MYO1D: variants seen among roughly 807,000 people sequenced by gnomAD.
The protein encoded by MYO1D is unconventional myosin-Id.
Under a neutral mutation model 122.0 loss-of-function variants are expected in MYO1D, and 83 were observed. The observed-to-expected ratio is 0.68, with a 90% CI of 0.57 to 0.82. The LOEUF is 0.82. Ranked by LOEUF, MYO1D falls within the 40% of genes least tolerant of loss-of-function variation. The pLI is 0.00. For missense variants in MYO1D, 1,157 were observed against 1,269.5 expected (o/e 0.91, Z 1.35); for synonymous variants, 464 against 446.9 (o/e 1.04, Z -0.48).
chr17:32,519,992 T>C (rs986114371), intron 21 of MYO1D, among the ~76,000 whole-genome samples: 6 of 151,598 alleles, frequency 4.0e-5, no homozygotes, highest in Middle Eastern at 3.4e-3. Flanking sequence ...ATAGGATTAG[T>C]GGAAACCCTG....
intron 14 of MYO1D, chr17:32,734,595 A>G (rs1040522601): frequency 6.6e-6 from 1 of 152,246 alleles, no homozygotes; most frequent in Non-Finnish European, 1.5e-5. Flanking sequence ...ATAAATTCTG[A>G]CAAATTTTTT....
At chr17:32,523,533 T>TTTG (rs1910230377) in intron 21 of MYO1D, 1 of 152,134 alleles carries the variant, frequency 6.6e-6, no homozygotes, top group Non-Finnish European at 1.5e-5. Flanking sequence ...CACAGGAGAC[T>TTTG]TAGAAGACTA....
At chr17:32,793,314 T>G (rs2090376313) in intron 1 of MYO1D, among the ~76,000 whole-genome samples, 1 of 151,008 alleles carries the variant, frequency 6.6e-6, no homozygotes, top group Non-Finnish European at 1.5e-5. Context: ...TAGGCTTTTT[T>G]TTTTTTTTTA....
chr17:32,653,274 TC>T (rs906684330), intron 19 of MYO1D, among the ~76,000 whole-genome samples: 6 of 151,176 alleles, frequency 4.0e-5, no homozygotes, highest in African/African-American at 1.5e-4. Flanking sequence ...TTTAAAGAGG[TC>T]CCCGCAATCT....
intron 1 of MYO1D, among the ~76,000 whole-genome samples, chr17:32,845,891 T>C (rs550035585): frequency 2.7e-4 from 41 of 152,264 alleles, no homozygotes; most frequent in African/African-American, 4.8e-4. Context: ...GAAAATATTA[T>C]TTGAGCATCT....
chr17:32,533,239 T>G, intron 21 of MYO1D, among the ~76,000 whole-genome samples: 1 of 152,202 alleles, frequency 6.6e-6, no homozygotes, highest in Non-Finnish European at 1.5e-5. Context: ...AAACCTTATA[T>G]TCAGCTGCCT....
chr17:32,517,391 C>G (rs921957090), intron 21 of MYO1D, among the ~76,000 whole-genome samples: 1 of 152,222 alleles, frequency 6.6e-6, no homozygotes, highest in African/African-American at 2.4e-5. Flanking sequence ...TCAGTGTCAG[C>G]TTTACAGCTG....
At chr17:32,568,467 T>C (rs547342002) in intron 21 of MYO1D, among the ~76,000 whole-genome samples, 1 of 152,216 alleles carries the variant, frequency 6.6e-6, no homozygotes, top group African/African-American at 2.4e-5. Flanking sequence ...GCTGGAGTTA[T>C]CTTTCCAGGA....
In MYO1D at chr17:32,773,335, C is replaced by T. The variant is rs553086632; in HGVS notation, c.565-493G>A. Among the ~76,000 whole-genome samples, 8 of 152,338 alleles carry T rather than the reference C, an allele frequency of 5.3e-5. 1 individual carries two copies. In the South Asian group the frequency reaches 1.7e-3, roughly 32 times the overall value. Reference sequence around the variant, plus strand: ...AGGAGACGTGTTTTATCTGTGAACACAAAACTTCAGCACCGGTCACGGATT... The same window carrying T: ...AGGAGACGTGTTTTATCTGTGAACATAAAACTTCAGCACCGGTCACGGATT... On this transcript the variant is annotated intron_variant, in intron 4 of 21. Transcript: ENST00000318217.
chr17:32,558,918 A>G (rs570092180), intron 21 of MYO1D, among the ~76,000 whole-genome samples: 2 of 152,216 alleles, frequency 1.3e-5, no homozygotes, highest in Non-Finnish European at 2.9e-5. Flanking sequence ...TTCTCCAGCT[A>G]TAAATGGCAG....
At chr17:32,520,900 A>G (rs1005574492) in intron 21 of MYO1D, among the ~76,000 whole-genome samples, 1 of 152,248 alleles carries the variant, frequency 6.6e-6, no homozygotes, top group Non-Finnish European at 1.5e-5. Flanking sequence ...GACAAAGTTC[A>G]TCTTCTTTGC....
At chr17:32,675,097 CTG>C (rs2088788067) in intron 16 of MYO1D, among the ~76,000 whole-genome samples, 1 of 152,170 alleles carries the variant, frequency 6.6e-6, no homozygotes, top group East Asian at 1.9e-4. Flanking sequence ...ACTATGAAGA[CTG>C]TTACTGGTCA....
chr17:32,703,201 A>G (rs1228748351), intron 16 of MYO1D, among the ~76,000 whole-genome samples: 2 of 152,190 alleles, frequency 1.3e-5, no homozygotes, highest in Admixed American at 6.5e-5. Flanking sequence ...ACAGTGAGCA[A>G]TTAAGATCTC....
At position 32,719,641 on chromosome 17, in the gene MYO1D, C is replaced by T. The variant is rs142802962; in HGVS notation, c.1913+1382G>A. On this transcript the variant is annotated intron_variant, in intron 15 of 21. Transcript: ENST00000318217. ...CTGGGATTACAGATGTGAGCCACTG[C>T]GCCTGGCCAACATCTCCTTGCCTTC... is the stretch of plus-strand genomic sequence containing the variant. 1.8e-3 allele frequency among the ~76,000 whole-genome samples: 276 copies of T among 152,198 alleles called. 1 individual carries two copies. The highest frequency in any genetic ancestry group is 5.8e-3 in the African/African-American group (239 of 41,532).
chr17:32,560,556 T>TAC (rs2087112849), intron 21 of MYO1D, among the ~76,000 whole-genome samples: 2 of 114,130 alleles, frequency 1.8e-5, no homozygotes, highest in African/African-American at 3.2e-5. Flanking sequence ...TATATATATA[T>TAC]ATATATATAT....
At chr17:32,625,135 G>A (rs1476813820) in intron 20 of MYO1D, among the ~76,000 whole-genome samples, 1 of 152,170 alleles carries the variant, frequency 6.6e-6, no homozygotes, top group African/African-American at 2.4e-5. Context: ...CTCCTGATAT[G>A]CAGACCAGGG....
At chr17:32,821,867 G>A (rs1057225863) in intron 1 of MYO1D, among the ~76,000 whole-genome samples, 9 of 152,224 alleles carry the variant, frequency 5.9e-5, no homozygotes, top group African/African-American at 1.9e-4. Context: ...GTGGTTTTTA[G>A]GAAACAATAG....
chr17:32,742,137 A>G (rs2089780997), intron 13 of MYO1D, among the ~76,000 whole-genome samples: 1 of 152,182 alleles, frequency 6.6e-6, no homozygotes, highest in African/African-American at 2.4e-5. Context: ...AACTATTTAC[A>G]TAGCACTTAC....
rs564771516 is a variant in MYO1D, at chr17:32,592,925, T to A, written c.2864+12162A>T. On this transcript the variant is annotated intron_variant, in intron 21 of 21. Coordinates refer to ENST00000318217, the MANE Select transcript of MYO1D (RefSeq NM_015194.3). ...TGCCCAGTACCGTATCACTTCCGCTTCTTTCGGGAAATGCTGGCCCCGTAC... is the reference window on the plus strand; with the variant it reads ...TGCCCAGTACCGTATCACTTCCGCTACTTTCGGGAAATGCTGGCCCCGTAC... Among the ~76,000 whole-genome samples the A allele has an allele frequency of 2.0e-5, 3 of 152,282 alleles. No individual in the cohort carries two copies. The South Asian group carries it at 6.2e-4, about 32-fold the overall frequency.
Sources: allele counts gnomAD v4.1 joint callset (sites outside exome capture counted in the v4.1 genomes callset), GRCh38; gene constraint gnomAD v4.1.1; transcripts MANE v1.5; gene names NCBI Gene and HGNC (gene_info 2026-07-23, HGNC 2026-07-21).